Variants in TSHZ2 observed in about 807,000 individuals in gnomAD.
The protein encoded by TSHZ2 is teashirt homolog 2.
A neutral mutation model predicts 74.4 loss-of-function variants in TSHZ2; 21 were observed. The observed-to-expected ratio is 0.28, with a 90% CI of 0.20 to 0.41. The LOEUF (loss-of-function observed/expected upper bound fraction) is 0.41. Ranked by LOEUF, TSHZ2 falls within the 10% of genes least tolerant of loss-of-function variation. TSHZ2 has a pLI of 1.00. For missense variants in TSHZ2, 1,244 were observed against 1,293.5 expected (o/e 0.96, Z 0.59); for synonymous variants, 540 against 515.3 (o/e 1.05, Z -0.65).
rs71194467 is a variant in TSHZ2, at chr20:53,286,886, TACACACACACACACACACAC to T, written c.*8+30336_*8+30355del. Among the ~76,000 whole-genome samples, 5 of 139,532 alleles carry T rather than the reference TACACACACACACACACACAC, an allele frequency of 3.6e-5. No individual in the cohort carries two copies. In the Admixed American group the frequency reaches 3.6e-4, roughly 10 times the overall value. The allele number at this position is 139,532 out of a possible 152,430, so 91.5% of individuals were successfully genotyped here. On this transcript the variant is annotated intron_variant, in intron 2 of 2. Coordinates refer to ENST00000371497, the MANE Select transcript of TSHZ2 (RefSeq NM_173485.6). ...ACAGAGCAAGACCCTGTCTCAAAAA[TACACACACACACACACACAC>T]ACACACACACACACACACACGTAAC...
intron 1 of TSHZ2, among the ~76,000 whole-genome samples, chr20:53,162,434 T>C (rs1987964224): frequency 6.6e-6 from 1 of 152,226 alleles, no homozygotes; most frequent in South Asian, 2.1e-4. Context: ...GCCCACTCGC[T>C]TCCTCTTTTG....
intron 1 of TSHZ2, among the ~76,000 whole-genome samples, chr20:53,051,456 C>CACACAT (rs1491524103): frequency 1.6e-5 from 2 of 126,128 alleles, no homozygotes; most frequent in Admixed American, 7.7e-5. Context: ...CTGTGGCGCA[C>CACACAT]GCACACACAC....
At chr20:53,184,437 C>T (rs560184275) in intron 1 of TSHZ2, among the ~76,000 whole-genome samples, 39 of 152,210 alleles carry the variant, frequency 2.6e-4, no homozygotes, top group African/African-American at 8.9e-4. Flanking sequence ...GAGCATTTTA[C>T]TCCTTTTTAA....
At chr20:53,124,208 C>G (rs1002218234) in intron 1 of TSHZ2, among the ~76,000 whole-genome samples, 3 of 152,190 alleles carry the variant, frequency 2.0e-5, no homozygotes, top group Admixed American at 6.5e-5. Flanking sequence ...CTGGGCCGGC[C>G]CTTCACTACC....
intron 1 of TSHZ2, among the ~76,000 whole-genome samples, chr20:53,032,003 CT>C (rs1568728027): frequency 1.3e-5 from 2 of 152,114 alleles, no homozygotes; most frequent in African/African-American, 4.8e-5. Flanking sequence ...AAGCTTGAGT[CT>C]TTAAAATCTT....
At chr20:53,173,617 TTAA>T (rs928650755) in intron 1 of TSHZ2, among the ~76,000 whole-genome samples, 3 of 151,866 alleles carry the variant, frequency 2.0e-5, no homozygotes, top group Admixed American at 1.3e-4. Context: ...CAAAAGAAAA[TTAA>T]TAATAATAAC....
intron 1 of TSHZ2, among the ~76,000 whole-genome samples, chr20:53,073,570 T>A (rs1337268208): frequency 1.3e-5 from 2 of 152,232 alleles, no homozygotes; most frequent in Non-Finnish European, 2.9e-5. Context: ...TAAAACTTTC[T>A]TCTTTATAAT....
rs527353005 is a variant in TSHZ2 at position 53,056,975 on chromosome 20, C to T, written c.40+83642C>T. ...TGTAGCTCCCATAATTCCCGCGTGTCGTGGGAGGGACCTGGTGGGAGGTCA... is the reference window on the plus strand; with the variant it reads ...TGTAGCTCCCATAATTCCCGCGTGTTGTGGGAGGGACCTGGTGGGAGGTCA... On this transcript the variant is annotated intron_variant, in intron 1 of 2. Transcript: ENST00000371497. 2.6e-4 allele frequency among the ~76,000 whole-genome samples: 39 copies of T among 152,264 alleles called. 1 individual carries two copies. Among genetic ancestry groups the T allele is most frequent in the Non-Finnish European group, 2.1e-4 (14 of 68,028 alleles).
At chr20:53,089,462 G>A (rs535635562) in intron 1 of TSHZ2, among the ~76,000 whole-genome samples, 2 of 151,288 alleles carry the variant, frequency 1.3e-5, no homozygotes, top group Admixed American at 6.6e-5. Context: ...GCTGGTCTTC[G>A]TAAGTCCATT....
At chr20:53,073,219 TC>T (rs1985246134) in intron 1 of TSHZ2, among the ~76,000 whole-genome samples, 1 of 151,632 alleles carries the variant, frequency 6.6e-6, no homozygotes, top group East Asian at 1.9e-4. Context: ...TATCCCTTAA[TC>T]CATTCATCTG....
rs542372777 is a variant in TSHZ2, at chr20:52,995,917, C to T, written c.40+22584C>T. Among the ~76,000 whole-genome samples the T allele has an allele frequency of 6.7e-4, 102 of 152,188 alleles. 1 individual carries two copies. The highest frequency in any genetic ancestry group is 2.4e-4 in the Non-Finnish European group (16 of 68,012). Reference sequence around the variant, plus strand: ...GATTAAAGGTGTGAGCCATTGTGCCCGGCCAAGGTTATTTACTTTCTATCT... The same window carrying T: ...GATTAAAGGTGTGAGCCATTGTGCCTGGCCAAGGTTATTTACTTTCTATCT... On this transcript the variant is annotated intron_variant, in intron 1 of 2. Coordinates refer to ENST00000371497, the MANE Select transcript of TSHZ2 (RefSeq NM_173485.6).
At chr20:53,191,555 T>C (rs1988737762) in intron 1 of TSHZ2, among the ~76,000 whole-genome samples, 1 of 152,202 alleles carries the variant, frequency 6.6e-6, no homozygotes, top group Non-Finnish European at 1.5e-5. Context: ...CTCAGCCACT[T>C]GGGATGCTGA....
At chr20:52,983,545 T>C (rs1291888344) in intron 1 of TSHZ2, among the ~76,000 whole-genome samples, 1 of 152,236 alleles carries the variant, frequency 6.6e-6, no homozygotes, top group Non-Finnish European at 1.5e-5. Flanking sequence ...TTAATTACTT[T>C]CAAGTATAAG....
At chr20:53,202,109 A>T (rs969407990) in intron 1 of TSHZ2, among the ~76,000 whole-genome samples, 1 of 152,178 alleles carries the variant, frequency 6.6e-6, no homozygotes, top group Non-Finnish European at 1.5e-5. Context: ...GTCAGCTTCT[A>T]TTTAATGTTC....
chr20:53,133,503 G>C (rs1987161942), intron 1 of TSHZ2, among the ~76,000 whole-genome samples: 1 of 152,196 alleles, frequency 6.6e-6, no homozygotes, highest in Non-Finnish European at 1.5e-5. Flanking sequence ...ACTGACTTCT[G>C]TTCAAAGAAA....
chr20:53,177,398 T>C (rs1324277739), intron 1 of TSHZ2, among the ~76,000 whole-genome samples: 1 of 152,226 alleles, frequency 6.6e-6, no homozygotes, highest in Non-Finnish European at 1.5e-5. Flanking sequence ...ATGAATCTAC[T>C]GGGGATCTCA....
At chr20:53,429,464 TC>T (rs1430414241) in intron 2 of TSHZ2, among the ~76,000 whole-genome samples, 32 of 152,302 alleles carry the variant, frequency 2.1e-4, no homozygotes, top group African/African-American at 7.7e-4. Flanking sequence ...AGTGAATAAG[TC>T]TCACGAGACC....
At chr20:53,271,783 G>A (rs930686256) in intron 2 of TSHZ2, among the ~76,000 whole-genome samples, 1 of 152,170 alleles carries the variant, frequency 6.6e-6, no homozygotes, top group Non-Finnish European at 1.5e-5. Flanking sequence ...AATGCATGTG[G>A]CTCAGTATGA....
At chr20:53,452,851 T>C (rs1360826890) in intron 2 of TSHZ2, among the ~76,000 whole-genome samples, 1 of 152,208 alleles carries the variant, frequency 6.6e-6, no homozygotes, top group Non-Finnish European at 1.5e-5. Context: ...AAGGAACGTT[T>C]AGTGTTGTAT....
Sources: allele counts gnomAD v4.1 joint callset (sites outside exome capture counted in the v4.1 genomes callset), GRCh38; gene constraint gnomAD v4.1.1; transcripts MANE v1.5; gene names NCBI Gene and HGNC (gene_info 2026-07-23, HGNC 2026-07-21).